PID1: variants seen among roughly 807,000 people sequenced by gnomAD.
The protein encoded by PID1 is phosphotyrosine interaction domain containing 1.
In PID1, 10 loss-of-function variants were observed where a neutral mutation model predicts 19.1. The observed-to-expected ratio is 0.52, with a 90% CI of 0.32 to 0.89. The LOEUF is 0.89. PID1 is among the 40% of genes least tolerant of loss of function. The pLI is 0.03. For synonymous variants in PID1, 130 were observed against 116.0 expected (o/e 1.12, Z -0.78); for missense variants, 248 against 285.3 (o/e 0.87, Z 0.94).
At chr2:229,078,327 A>G (rs1694604503) in intron 2 of PID1, among the ~76,000 whole-genome samples, 1 of 152,204 alleles carries the variant, frequency 6.6e-6, no homozygotes, top group East Asian at 1.9e-4. Context: ...TAAATATACA[A>G]TCATGTCATC....
intron 2 of PID1, among the ~76,000 whole-genome samples, chr2:229,085,899 T>C (rs1249816883): frequency 6.6e-6 from 1 of 152,038 alleles, no homozygotes; most frequent in African/African-American, 2.4e-5. Context: ...TTCTGAAAAA[T>C]CAGTTGAGGG....
chr2:229,048,942 T>C (rs1693937233), intron 2 of PID1, among the ~76,000 whole-genome samples: 2 of 152,132 alleles, frequency 1.3e-5, no homozygotes, highest in Non-Finnish European at 2.9e-5. Context: ...ATTGTATATT[T>C]GCATTTTTCT....
chr2:229,131,238 C>CTT (rs576454587), intron 2 of PID1, among the ~76,000 whole-genome samples: 1 of 147,544 alleles, frequency 6.8e-6, no homozygotes, highest in African/African-American at 2.5e-5. Flanking sequence ...CTTTTCTTCT[C>CTT]TTTTTTTTTT....
chr2:229,178,604 A>G (rs187478559), intron 1 of PID1, among the ~76,000 whole-genome samples: 1 of 152,216 alleles, frequency 6.6e-6, no homozygotes, highest in Admixed American at 6.5e-5. Context: ...ATTTTCTATA[A>G]TAAGCCACAA....
At chr2:229,058,775 T>C (rs1007424444) in intron 2 of PID1, among the ~76,000 whole-genome samples, 2 of 149,698 alleles carry the variant, frequency 1.3e-5, no homozygotes, top group African/African-American at 4.9e-5. Context: ...TCAGAATCTA[T>C]TTTTTCCCTA....
intron 2 of PID1, among the ~76,000 whole-genome samples, chr2:229,060,241 A>G (rs1317579835): frequency 6.6e-6 from 1 of 152,084 alleles, no homozygotes. Flanking sequence ...TCTAACTAAA[A>G]TGTGGTACCC....
chr2:229,107,380 A>C (rs1025604300), intron 2 of PID1, among the ~76,000 whole-genome samples: 1 of 151,954 alleles, frequency 6.6e-6, no homozygotes, highest in Non-Finnish European at 1.5e-5. Flanking sequence ...TCTACTCTTC[A>C]CTCAATGGGA....
At chr2:229,257,888 G>A (rs753137787) in intron 1 of PID1, among the ~76,000 whole-genome samples, 1 of 152,134 alleles carries the variant, frequency 6.6e-6, no homozygotes, top group Non-Finnish European at 1.5e-5. Context: ...CAGACCCTAC[G>A]TCTGCTACAC....
chr2:229,206,727 A>C (rs1183018866), intron 1 of PID1, among the ~76,000 whole-genome samples: 1 of 152,208 alleles, frequency 6.6e-6, no homozygotes, highest in Non-Finnish European at 1.5e-5. Context: ...TGCTGGGCTG[A>C]AGCCAAGGCT....
At chr2:229,028,838 A>G (rs569432499) in intron 2 of PID1, among the ~76,000 whole-genome samples, 1 of 152,150 alleles carries the variant, frequency 6.6e-6, no homozygotes, top group African/African-American at 2.4e-5. Context: ...CTGTTGCCCA[A>G]ACAATTTCAT....
intron 1 of PID1, among the ~76,000 whole-genome samples, chr2:229,156,641 T>C (rs1470910275): frequency 6.6e-6 from 1 of 152,100 alleles, no homozygotes; most frequent in African/African-American, 2.4e-5. Context: ...TCCAACCTGG[T>C]CCCATCACTT....
intron 1 of PID1, among the ~76,000 whole-genome samples, chr2:229,259,925 C>A (rs1422837636): frequency 6.6e-6 from 1 of 152,054 alleles, no homozygotes; most frequent in Non-Finnish European, 1.5e-5. Context: ...AACAGGCCTT[C>A]CCCAGACACT....
intron 2 of PID1, among the ~76,000 whole-genome samples, chr2:229,039,933 C>T (rs959127121): frequency 2.0e-5 from 3 of 152,086 alleles, no homozygotes; most frequent in South Asian, 2.1e-4. Flanking sequence ...AATACATAAT[C>T]ACAGTTTATC....
chr2:229,060,931 G>A (rs1694200845), intron 2 of PID1, among the ~76,000 whole-genome samples: 1 of 151,940 alleles, frequency 6.6e-6, no homozygotes, highest in Admixed American at 6.6e-5. Flanking sequence ...ATCTATTTAA[G>A]TCACTTGTCC....
intron 2 of PID1, among the ~76,000 whole-genome samples, chr2:229,054,186 G>T (rs984232580): frequency 6.6e-6 from 1 of 152,196 alleles, no homozygotes; most frequent in Non-Finnish European, 1.5e-5. Flanking sequence ...GTGATGGTTT[G>T]CTCAGTACAA....
At chr2:229,113,382 TTTTTTATATATATTTATATATATATA>T (rs1695336869) in intron 2 of PID1, among the ~76,000 whole-genome samples, 1 of 147,260 alleles carries the variant, frequency 6.8e-6, no homozygotes, top group African/African-American at 2.5e-5. Flanking sequence ...GCCCCTACTA[TTTTTTATATATATTTATATATATATA>T]TTTATATATA....
chr2:229,065,296 G>A (rs949077720), intron 2 of PID1, among the ~76,000 whole-genome samples: 1 of 152,016 alleles, frequency 6.6e-6, no homozygotes, highest in East Asian at 1.9e-4. Flanking sequence ...TTTAGGTGGG[G>A]CAGGAAAAAA....
At chr2:229,270,594 G>A (rs182929904) in intron 1 of PID1, among the ~76,000 whole-genome samples, 4 of 146,640 alleles carry the variant, frequency 2.7e-5, no homozygotes, top group African/African-American at 1.0e-4. Flanking sequence ...CATTATATTG[G>A]CAAATGGATG....
At chr2:229,209,396 T>G (rs1388205387) in intron 1 of PID1, among the ~76,000 whole-genome samples, 1 of 152,192 alleles carries the variant, frequency 6.6e-6, no homozygotes, top group Non-Finnish European at 1.5e-5. Flanking sequence ...CAATGGAATG[T>G]GAGCAGAAAG....
Sources: allele counts gnomAD v4.1 joint callset (sites outside exome capture counted in the v4.1 genomes callset), GRCh38; gene constraint gnomAD v4.1.1; transcripts MANE v1.5; gene names NCBI Gene and HGNC (gene_info 2026-07-23, HGNC 2026-07-21).